Variants in ERC1 observed in about 807,000 individuals in gnomAD.
ERC1 encodes RAB6 interacting protein 2.
In ERC1, 56 loss-of-function variants were observed where a neutral mutation model predicts 132.0. That is an observed-to-expected ratio of 0.42 (90% CI 0.34 to 0.53). ERC1 has a LOEUF of 0.53. Among genes scored for constraint, ERC1 ranks in the 20% least tolerant of loss-of-function variants. ERC1 has a pLI of 0.03. For missense variants in ERC1, 1,202 were observed against 1,349.9 expected (o/e 0.89, Z 1.72); for synonymous variants, 478 against 476.1 (o/e 1.00, Z -0.05).
intron 14 of ERC1, among the ~76,000 whole-genome samples, chr12:1,263,877 T>C (rs959479650): frequency 2.0e-5 from 3 of 151,768 alleles, no homozygotes; most frequent in African/African-American, 7.3e-5. Context: ...TTTAGTAAAG[T>C]TGGGGTTTCA....
chr12:1,174,742 A>AT (rs1301137657), intron 8 of ERC1, among the ~76,000 whole-genome samples: 3 of 152,216 alleles, frequency 2.0e-5, no homozygotes, highest in African/African-American at 7.2e-5. Context: ...GTTCTGTGAA[A>AT]TTTCATTTTA....
In ERC1 at chr12:1,178,493, A is replaced by G. The variant is rs562375955; in HGVS notation, c.1738-2047A>G. ...TAATCAGTGCTATAATGATTGATAG[A>G]TAGAGGAATGGAGATATGTGATCAA... On this transcript the variant is annotated intron_variant, in intron 8 of 18. Transcript: ENST00000360905. Among the ~76,000 whole-genome samples the G allele has an allele frequency of 5.9e-5, 9 of 152,292 alleles. No homozygotes were observed. The East Asian group carries it at 7.7e-4, about 13-fold the overall frequency.
At chr12:1,069,792 G>T (rs559959904) in intron 2 of ERC1, among the ~76,000 whole-genome samples, 6 of 152,218 alleles carry the variant, frequency 3.9e-5, no homozygotes, top group Non-Finnish European at 8.8e-5. Context: ...GGGATAAATA[G>T]ATTTTAAATG....
chr12:1,104,687 C>A, intron 3 of ERC1, 63 bp from the exon 4 acceptor site: 1 of 1,195,882 alleles, frequency 8.4e-7, no homozygotes, highest in Non-Finnish European at 1.3e-6. Context: ...GCTCTCACTC[C>A]TCTTTGAAAA....
At position 1,249,022 on chromosome 12, in the gene ERC1, A is replaced by G. The variant is rs142088902; in HGVS notation, c.2487+12118A>G. ...CTCAGCCTCTGGAGTATCTGGGACT[A>G]TAGGGGTGTGCCACCACACCTGGCT... On this transcript the variant is annotated intron_variant, in intron 13 of 18. Coordinates refer to ENST00000360905, the MANE Select transcript of ERC1 (RefSeq NM_178040.4). Among the ~76,000 whole-genome samples the G allele has an allele frequency of 2.9e-3, 443 of 152,206 alleles. 1 individual carries two copies. Among genetic ancestry groups the G allele is most frequent in the African/African-American group, 9.5e-3 (394 of 41,530 alleles).
intron 14 of ERC1, among the ~76,000 whole-genome samples, chr12:1,279,945 C>T (rs767939521): frequency 1.8e-4 from 27 of 152,158 alleles, no homozygotes; most frequent in Non-Finnish European, 3.2e-4. Flanking sequence ...CCACCCTCCT[C>T]AGCCTCCCAA....
At chr12:1,429,871 G>C (rs761983289) in intron 17 of ERC1, among the ~76,000 whole-genome samples, 1 of 152,114 alleles carries the variant, frequency 6.6e-6, no homozygotes, top group East Asian at 1.9e-4. Flanking sequence ...ATAGTAGTTC[G>C]GGTGTATGTC....
intron 13 of ERC1, among the ~76,000 whole-genome samples, chr12:1,241,156 G>A (rs1205679597): frequency 6.6e-6 from 1 of 152,132 alleles, no homozygotes; most frequent in Non-Finnish European, 1.5e-5. Context: ...ACTTCCAGCA[G>A]TTTGCAGGCA....
chr12:1,229,108 T>G (rs2074829690), intron 12 of ERC1, among the ~76,000 whole-genome samples: 1 of 152,218 alleles, frequency 6.6e-6, no homozygotes, highest in South Asian at 2.1e-4. Context: ...CTTAAGTGTT[T>G]GGTGGAAATC....
chr12:1,219,581 C>T (rs139587535), intron 12 of ERC1, among the ~76,000 whole-genome samples: 108 of 151,580 alleles, frequency 7.1e-4, no homozygotes, highest in African/African-American at 2.5e-3. Flanking sequence ...TGGCTATCTG[C>T]TTCTATATCA....
intron 1 of ERC1, among the ~76,000 whole-genome samples, chr12:1,006,572 G>GTT (rs1320618214): frequency 1.3e-5 from 2 of 151,766 alleles, no homozygotes; most frequent in Admixed American, 6.6e-5. Context: ...TTTTTGTTTT[G>GTT]TTTTTAAGAG....
At chr12:1,090,887 A>G (rs867914126) in intron 3 of ERC1, among the ~76,000 whole-genome samples, 605 of 16,044 alleles carry the variant, frequency 0.038, 206 homozygotes, top group Middle Eastern at 0.21. Context: ...TATTATTATT[A>G]TTATTATTAT....
At position 1,083,340 on chromosome 12, in the gene ERC1, T is replaced by G; in HGVS notation, c.846T>G (p.Phe282Leu). The change falls in exon 3 of 19, where the codon TTT becomes TTG. Residue 282 changes from phenylalanine to leucine, a missense_variant. Coordinates refer to ENST00000360905, the MANE Select transcript of ERC1 (RefSeq NM_178040.4). The stretch of plus-strand genomic sequence containing the variant: ...ATGAGCGGCAGGCCAAAGAGCTGTT[T>G]CTTCTTCGAAAGACATTGGAGGAAA... ...AEHERQAKEL[F>L]LLRKTLEEME... 6.2e-7 allele frequency: 1 copy of G among 1,614,176 alleles called. No individual in the cohort carries two copies. The highest frequency in any genetic ancestry group is 8.5e-7 in the Non-Finnish European group (1 of 1,180,022).
chr12:1,003,758 C>T (rs1345566016), intron 1 of ERC1, among the ~76,000 whole-genome samples: 1 of 152,208 alleles, frequency 6.6e-6, no homozygotes, highest in Non-Finnish European at 1.5e-5. Flanking sequence ...TCTTTAGACT[C>T]AGACAGTTTA....
At chr12:1,163,342 C>T (rs1186814717) in intron 8 of ERC1, among the ~76,000 whole-genome samples, 1 of 152,156 alleles carries the variant, frequency 6.6e-6, no homozygotes, top group African/African-American at 2.4e-5. Flanking sequence ...CCAGAACACT[C>T]CTCTCCAAAA....
Position 1,333,576 on chromosome 12 carries a change from CCA to C in ERC1, c.2781-38256_2781-38255del. On this transcript the variant is annotated intron_variant, in intron 15 of 18. Transcript: ENST00000360905. Reference sequence around the variant, plus strand: ...TCGATCTCCTGACCTCATGATCCACCCATCTCAGCCTCCCAAAGTGCTGGGAT... The same window carrying C: ...TCGATCTCCTGACCTCATGATCCACCTCTCAGCCTCCCAAAGTGCTGGGAT... Among the ~76,000 whole-genome samples, 3 of 152,182 alleles carry C rather than the reference CCA, an allele frequency of 2.0e-5. No homozygotes were observed. In the South Asian group the frequency reaches 6.2e-4, roughly 32 times the overall value.
At chr12:1,425,043 ATTG>A (rs2092592320) in intron 17 of ERC1, among the ~76,000 whole-genome samples, 1 of 151,224 alleles carries the variant, frequency 6.6e-6, no homozygotes, top group African/African-American at 2.4e-5. Context: ...TTCTTTTCTT[ATTG>A]TTCAGTTGCC....
chr12:1,386,570 T>C (rs61913128), intron 16 of ERC1: 77,456 of 146,250 alleles, frequency 0.53, 23,253 homozygotes, highest in African/African-American at 0.84. Flanking sequence ...ATCGCTTGGA[T>C]CCAGGAGGCA....
At chr12:1,096,255 G>T (rs4766068) in intron 3 of ERC1, among the ~76,000 whole-genome samples, 94,674 of 152,072 alleles carry the variant, frequency 0.62, 31,400 homozygotes, top group East Asian at 0.83. Flanking sequence ...TGGATTTTTC[G>T]GTTTTCTTTA....
Sources: allele counts gnomAD v4.1 joint callset (sites outside exome capture counted in the v4.1 genomes callset), GRCh38; gene constraint gnomAD v4.1.1; transcripts MANE v1.5; gene names NCBI Gene and HGNC (gene_info 2026-07-23, HGNC 2026-07-21).